CACNA2D2: variants seen among roughly 807,000 people sequenced by gnomAD.
CACNA2D2 encodes the protein voltage-dependent calcium channel subunit alpha-2/delta-2.
In CACNA2D2, 48 loss-of-function variants were observed where a neutral mutation model predicts 166.4. That is an observed-to-expected ratio of 0.29 (90% CI 0.23 to 0.37). The LOEUF (loss-of-function observed/expected upper bound fraction) is 0.37, where lower values mean the gene tolerates loss of function less well. Among genes scored for constraint, CACNA2D2 ranks in the 10% least tolerant of loss-of-function variants. CACNA2D2 has a pLI of 1.00. For missense variants in CACNA2D2, 1,122 were observed against 1,433.0 expected (o/e 0.78, Z 3.50); for synonymous variants, 561 against 573.7 (o/e 0.98, Z 0.32).
At position 50,366,483 on chromosome 3, in the gene CACNA2D2, C is replaced by T. The variant is rs1704297933; in HGVS notation, c.2637+95G>A. 6.6e-7 allele frequency: 1 copy of T among 1,508,140 alleles called. No individual in the cohort carries two copies. Among genetic ancestry groups the T allele is most frequent in the African/African-American group, 1.4e-5 (1 of 72,834 alleles). 93.4% of individuals were successfully genotyped at this position (1,508,140 alleles called of 1,614,324 possible). A position where few individuals can be genotyped will look rare whatever the true frequency, so the allele number is the denominator to read the frequency against. On this transcript the variant is annotated intron_variant, in intron 30 of 37. Coordinates refer to ENST00000424201, the MANE Select transcript of CACNA2D2 (RefSeq NM_006030.4). The surrounding 1 kb of genome is among the most constrained non-coding windows in gnomAD (Gnocchi z 5.9). ...AAGTCAGGGTGGGGATGTTGAGACC[C>T]ACAGGCCAAGGGATGTGCTGGGAGT...
chr3:50,409,666 T>C (rs558242871), intron 3 of CACNA2D2, among the ~76,000 whole-genome samples: 1 of 152,344 alleles, frequency 6.6e-6, no homozygotes, highest in African/African-American at 2.4e-5. Flanking sequence ...CCTCAGCTTA[T>C]CTGTGGCCAC....
intron 2 of CACNA2D2, among the ~76,000 whole-genome samples, chr3:50,472,261 G>A (rs1316496545): frequency 6.6e-6 from 1 of 152,250 alleles, no homozygotes; most frequent in Non-Finnish European, 1.5e-5. Context: ...CTGGGCTAAG[G>A]CCATCATGGG....
At chr3:50,378,544 C>G (rs1358589278) in intron 13 of CACNA2D2, among the ~76,000 whole-genome samples, 1 of 152,194 alleles carries the variant, frequency 6.6e-6, no homozygotes, top group Non-Finnish European at 1.5e-5. Flanking sequence ...GGAAGCAGAG[C>G]AGGGGGCAGA....
At chr3:50,457,229 GAC>G (rs1479505504) in intron 2 of CACNA2D2, among the ~76,000 whole-genome samples, 9 of 152,136 alleles carry the variant, frequency 5.9e-5, no homozygotes, top group African/African-American at 2.2e-4. Context: ...CAGCCTGGGT[GAC>G]AGAGTAAGAC....
chr3:50,504,201 G>C (rs1392028118), upstream of CACNA2D2: 1 of 152,372 alleles, frequency 6.6e-6, no homozygotes, highest in Non-Finnish European at 1.5e-5. Flanking sequence ...GTTGTGGGGG[G>C]CTGGGGACGG....
At chr3:50,503,769 A>T (rs938667718), upstream of CACNA2D2, 10 of 114,846 alleles carry the variant, frequency 8.7e-5, no homozygotes, top group African/African-American at 3.1e-4. Flanking sequence ...CCACGCGCCC[A>T]CCCGTGCCCG....
chr3:50,471,441 C>G (rs1710091328), intron 2 of CACNA2D2, among the ~76,000 whole-genome samples: 1 of 152,210 alleles, frequency 6.6e-6, no homozygotes, highest in Admixed American at 6.5e-5. Flanking sequence ...CCCCTCCCCA[C>G]CAGCTTCCTT....
At chr3:50,479,578 G>A (rs1288804564) in intron 1 of CACNA2D2, among the ~76,000 whole-genome samples, 1 of 152,244 alleles carries the variant, frequency 6.6e-6, no homozygotes, top group Non-Finnish European at 1.5e-5. Context: ...AGGGGGCCAG[G>A]AGTTGACTAT....
Position 50,365,614 on chromosome 3 carries a change from C to T in CACNA2D2, c.2971+19G>A, listed in dbSNP as rs1178934278. 6.4e-7 allele frequency: 1 copy of T among 1,572,182 alleles called. No homozygotes were observed. Among genetic ancestry groups the T allele is most frequent in the South Asian group, 1.2e-5 (1 of 86,274 alleles). On this transcript the variant is annotated intron_variant, in intron 34 of 37. Coordinates refer to ENST00000424201, the MANE Select transcript of CACNA2D2 (RefSeq NM_006030.4). This position sits in a 1 kb window ranked among gnomAD's most constrained non-coding sequence, Gnocchi z 4.5. ...TTGGGGACCCGGACTTGAGGAGGCGCCTCCAAAGCCCTACCTACCTGCTTG... is the reference window on the plus strand; with the variant it reads ...TTGGGGACCCGGACTTGAGGAGGCGTCTCCAAAGCCCTACCTACCTGCTTG...
intron 2 of CACNA2D2, among the ~76,000 whole-genome samples, chr3:50,454,679 C>A (rs1709269352): frequency 6.6e-6 from 1 of 152,202 alleles, no homozygotes; most frequent in Admixed American, 6.5e-5. Context: ...AAAACTCTCT[C>A]TTATACTCGG....
In CACNA2D2 at chr3:50,366,902, C is replaced by T. The variant is rs773816892; in HGVS notation, c.2518G>A (p.Asp840Asn). The T allele has an allele frequency of 6.2e-7, 1 of 1,613,706 alleles. No homozygotes were observed. The highest frequency in any genetic ancestry group is 8.5e-7 in the Non-Finnish European group (1 of 1,180,014). The change falls in exon 29 of 38, where the codon GAC (aspartate) becomes AAC (asparagine). Residue 840 changes from aspartate to asparagine, a missense_variant. By Grantham distance (23) the Asp-to-Asn change is conservative. Around this residue, in one of 2 missense-constraint regions of CACNA2D2, gnomAD observed 840 missense variants for 1,166.8 expected, o/e 0.72. Transcript: ENST00000424201. This position sits in a 1 kb window ranked among gnomAD's most constrained non-coding sequence, Gnocchi z 5.9. ...AACTTCTCAGCCCAAGCCTCTAGGT[C>T]CAGCTTGACGCCCACCACTTTGGGG... is the stretch of plus-strand genomic sequence containing the variant. ...LRPAVVGVKL[D>N]LEAWAEKFKV...
intron 3 of CACNA2D2, among the ~76,000 whole-genome samples, chr3:50,396,948 G>A (rs1478611749): frequency 6.6e-6 from 1 of 152,208 alleles, no homozygotes; most frequent in East Asian, 1.9e-4. Context: ...ACACTAGTGG[G>A]AGTCTCCAGG....
intron 2 of CACNA2D2, among the ~76,000 whole-genome samples, chr3:50,467,240 G>T (rs1280993236): frequency 6.6e-6 from 1 of 152,100 alleles, no homozygotes; most frequent in Admixed American, 6.6e-5. Context: ...CACTGCTGCT[G>T]GGCCCTCCAT....
chr3:50,416,908 AT>A (rs777234699), intron 3 of CACNA2D2, among the ~76,000 whole-genome samples: 8 of 152,350 alleles, frequency 5.3e-5, no homozygotes, highest in Non-Finnish European at 8.8e-5. Flanking sequence ...ACACGTGGGC[AT>A]GATGGGCTGA....
chr3:50,490,592 G>A (rs1246882598), intron 1 of CACNA2D2, among the ~76,000 whole-genome samples: 1 of 152,206 alleles, frequency 6.6e-6, no homozygotes, highest in Non-Finnish European at 1.5e-5. Flanking sequence ...ATGCCCTCTG[G>A]CTCCAGCAAA....
chr3:50,498,976 C>T (rs746259265), intron 1 of CACNA2D2, among the ~76,000 whole-genome samples: 3 of 152,194 alleles, frequency 2.0e-5, no homozygotes, highest in Non-Finnish European at 4.4e-5. Context: ...TGGACATGAC[C>T]ACGGGCTCTG....
chr3:50,499,453 G>A (rs1022314773), intron 1 of CACNA2D2, among the ~76,000 whole-genome samples: 6 of 152,204 alleles, frequency 3.9e-5, no homozygotes, highest in East Asian at 1.9e-4. Context: ...ATCCTCTCCC[G>A]TTAATTCTCA....
At chr3:50,389,570 A>C (rs1705786322) in intron 4 of CACNA2D2, among the ~76,000 whole-genome samples, 1 of 152,186 alleles carries the variant, frequency 6.6e-6, no homozygotes, top group African/African-American at 2.4e-5. Flanking sequence ...CTCCCCTCAC[A>C]GGCTGTGGCT....
At chr3:50,473,222 G>A (rs573782299) in intron 2 of CACNA2D2, among the ~76,000 whole-genome samples, 1 of 152,334 alleles carries the variant, frequency 6.6e-6, no homozygotes, top group Admixed American at 6.5e-5. Flanking sequence ...CTGCAAATGG[G>A]CCAGCCTGCA....
Sources: allele counts gnomAD v4.1 joint callset (sites outside exome capture counted in the v4.1 genomes callset), GRCh38; gene constraint gnomAD v4.1.1; regional missense constraint gnomAD v4.1.1; non-coding constraint Gnocchi (gnomAD v3.1); transcripts MANE v1.5; gene names NCBI Gene and HGNC (gene_info 2026-07-23, HGNC 2026-07-21).